LRRK1: variants seen among roughly 807,000 people sequenced by gnomAD.
LRRK1 encodes the protein leucine-rich repeat serine/threonine-protein kinase 1.
Under a neutral mutation model 209.1 loss-of-function variants are expected in LRRK1, and 113 were observed. The ratio of observed to expected loss-of-function variants is 0.54; its 90% CI spans 0.46 to 0.63. LRRK1 has a LOEUF of 0.63. Among genes scored for constraint, LRRK1 ranks in the 30% least tolerant of loss-of-function variants. The pLI is 0.00. For missense variants in LRRK1, 2,284 were observed against 2,632.2 expected (o/e 0.87, Z 2.89); for synonymous variants, 1,144 against 1,099.7 (o/e 1.04, Z -0.80).
At chr15:101,056,747 G>T (rs1221203524) in intron 27 of LRRK1, 109 bp from the exon 28 acceptor site, 1 of 820,424 alleles carries the variant, frequency 1.2e-6, no homozygotes. Flanking sequence ...TTTGTTGAAT[G>T]TTTGTTTTCC....
Position 101,057,068 on chromosome 15 carries a change from G to C in LRRK1, c.4527+18G>C. 1.3e-6 allele frequency: 2 copies of C among 1,568,132 alleles called. No individual in the cohort carries two copies. The highest frequency in any genetic ancestry group is 1.7e-6 in the Non-Finnish European group (2 of 1,155,490). ...CAGAGAAGGTACTTGGGGACACAGAGCCCAGGGCCTGGGACCTCCTGCCAT... is the reference window on the plus strand; with the variant it reads ...CAGAGAAGGTACTTGGGGACACAGACCCCAGGGCCTGGGACCTCCTGCCAT... On this transcript the variant is annotated intron_variant, in intron 28 of 33. Coordinates refer to ENST00000388948, the MANE Select transcript of LRRK1 (RefSeq NM_024652.6).
chr15:101,062,769 G>C, intron 31 of LRRK1, 79 bp downstream of exon 31: 1 of 1,065,730 alleles, frequency 9.4e-7, no homozygotes, highest in Non-Finnish European at 1.5e-6. Context: ...CTATGTCAGG[G>C]TGGCGCCTGC....
At position 101,024,754 on chromosome 15, in the gene LRRK1, G is replaced by A; in HGVS notation, c.2068-49G>A. The A allele has an allele frequency of 6.3e-7, 1 of 1,587,180 alleles. No individual in the cohort carries two copies. The highest frequency in any genetic ancestry group is 1.1e-5 in the South Asian group (1 of 89,346). ...CGTTGTCTCCGTTTGATTGACTGAAGCCTTTGTCTCTAAAATGCCTCCCTG... is the reference window on the plus strand; with the variant it reads ...CGTTGTCTCCGTTTGATTGACTGAAACCTTTGTCTCTAAAATGCCTCCCTG... On this transcript the variant is annotated intron_variant, in intron 15 of 33. Transcript: ENST00000388948. The surrounding 1 kb of genome is among the most constrained non-coding windows in gnomAD (Gnocchi z 4.6).
At chr15:100,997,666 G>A (rs937699795) in intron 6 of LRRK1, among the ~76,000 whole-genome samples, 1 of 152,192 alleles carries the variant, frequency 6.6e-6, no homozygotes, top group Non-Finnish European at 1.5e-5. Context: ...ACACACCAGG[G>A]TCTTGCTGCT....
chr15:101,053,084 G>T lies in LRRK1; in HGVS notation c.3852G>T (p.Pro1284=), dbSNP rs78072688. The change falls in exon 25 of 34, where the codon CCG becomes CCT. Residue 1284 remains proline (P), a synonymous_variant. Transcript: ENST00000388948. ...AATTCAAGAACTTTGCTAACGTACC[G>T]GCAGGTAAGCGGGTCCCAGGTTGGT... ...IKKFKNFANV[P]ADTMLRHLRA... 1.2e-6 allele frequency: 2 copies of T among 1,606,076 alleles called. No individual in the cohort carries two copies. The highest frequency in any genetic ancestry group is 2.7e-5 in the African/African-American group (2 of 74,962).
Position 100,987,388 on chromosome 15 carries a change from G to C in LRRK1, c.434-1246G>C, listed in dbSNP as rs1277149126. ...TTTTCCATGGCAACTAGACCCAAAAGATATTGCACTATTTTGAACTTGAAG... is the reference window on the plus strand; with the variant it reads ...TTTTCCATGGCAACTAGACCCAAAACATATTGCACTATTTTGAACTTGAAG... On this transcript the variant is annotated intron_variant, in intron 4 of 33. Transcript: ENST00000388948. Among the ~76,000 whole-genome samples the C allele has an allele frequency of 2.0e-5, 3 of 152,104 alleles. 1 individual carries two copies. The highest frequency in any genetic ancestry group is 2.1e-4 in the South Asian group (1 of 4,812).
At chr15:101,061,080 A>G in intron 29 of LRRK1, 91 bp from the exon 30 acceptor site, 3 of 921,256 alleles carry the variant, frequency 3.3e-6, no homozygotes, top group Non-Finnish European at 5.3e-6. Context: ...CAGGGGAGGT[A>G]GACGAGGCTC....
chr15:101,035,586 G>GT (rs1365063500), intron 20 of LRRK1, among the ~76,000 whole-genome samples: 1 of 151,978 alleles, frequency 6.6e-6, no homozygotes, highest in Non-Finnish European at 1.5e-5. Context: ...ATTGAATCAT[G>GT]TTTTTTTAAT....
intron 6 of LRRK1, among the ~76,000 whole-genome samples, chr15:101,001,383 C>T (rs900424798): frequency 6.6e-6 from 1 of 152,188 alleles, no homozygotes; most frequent in Non-Finnish European, 1.5e-5. Flanking sequence ...CCTTCAGATG[C>T]CATTTCTGGG....
chr15:101,008,183 G>A (rs2033060445), intron 6 of LRRK1, among the ~76,000 whole-genome samples: 1 of 143,032 alleles, frequency 7.0e-6, no homozygotes, highest in Non-Finnish European at 1.5e-5. Context: ...AAAAGAGGCT[G>A]GCCTCCTGCA....
At chr15:100,995,440 T>C (rs2032358926) in intron 6 of LRRK1, among the ~76,000 whole-genome samples, 1 of 152,172 alleles carries the variant, frequency 6.6e-6, no homozygotes, top group African/African-American at 2.4e-5. Context: ...CCACACTGTA[T>C]GGTCTGGACT....
At chr15:101,032,348 T>A (rs1439336255) in intron 20 of LRRK1, among the ~76,000 whole-genome samples, 1 of 152,182 alleles carries the variant, frequency 6.6e-6, no homozygotes, top group Non-Finnish European at 1.5e-5. Flanking sequence ...TTGTTACATA[T>A]GTACACATGT....
chr15:101,058,465 G>C (rs2035943900), intron 29 of LRRK1, among the ~76,000 whole-genome samples: 1 of 152,176 alleles, frequency 6.6e-6, no homozygotes, highest in Non-Finnish European at 1.5e-5. Context: ...CTGAGCCCAG[G>C]AGTTCAAGTT....
chr15:101,056,811 C>A (rs1287780439), intron 27 of LRRK1, 45 bp from the exon 28 acceptor site: 1 of 1,505,912 alleles, frequency 6.6e-7, no homozygotes, highest in Non-Finnish European at 8.9e-7. Context: ...TTGTGAAGGC[C>A]ACTGGGCCCA....
At chr15:101,014,251 A>T in intron 10 of LRRK1, 65 bp from the exon 11 acceptor site, 2 of 1,155,504 alleles carry the variant, frequency 1.7e-6, no homozygotes, top group Non-Finnish European at 2.6e-6. Flanking sequence ...CTGGCTCTTC[A>T]GTCTCCCCTC....
intron 12 of LRRK1, among the ~76,000 whole-genome samples, chr15:101,016,799 C>T (rs1445420806): frequency 1.4e-4 from 22 of 152,298 alleles, no homozygotes; most frequent in Non-Finnish European, 1.5e-5. Context: ...TCTTGCAAAG[C>T]CCACATGGAT....
At chr15:101,016,978 A>T (rs1202203669) in intron 12 of LRRK1, among the ~76,000 whole-genome samples, 1 of 152,186 alleles carries the variant, frequency 6.6e-6, no homozygotes, top group Non-Finnish European at 1.5e-5. Context: ...TTTTTGTTCC[A>T]TTATCTTCTG....
chr15:100,952,708 G>T (rs2042678831), intron 2 of LRRK1, among the ~76,000 whole-genome samples: 1 of 141,074 alleles, frequency 7.1e-6, no homozygotes, highest in African/African-American at 2.6e-5. Flanking sequence ...GGTATCAAAT[G>T]CTTGTCAGGC....
chr15:101,066,470 T>C (rs1166455150), intron 32 of LRRK1, among the ~76,000 whole-genome samples, 170 bp from the exon 33 acceptor site: 4 of 152,264 alleles, frequency 2.6e-5, no homozygotes, highest in African/African-American at 9.6e-5. Context: ...CAGTTTCCAC[T>C]GAGAAAATTC....
Sources: allele counts gnomAD v4.1 joint callset (sites outside exome capture counted in the v4.1 genomes callset), GRCh38; gene constraint gnomAD v4.1.1; non-coding constraint Gnocchi (gnomAD v3.1); transcripts MANE v1.5; gene names NCBI Gene and HGNC (gene_info 2026-07-23, HGNC 2026-07-21).